The following SLC2A5 variants were observed in gnomAD, a reference collection of about 807,000 sequenced individuals.
The protein encoded by SLC2A5 is solute carrier family 2, facilitated glucose transporter member 5.
A neutral mutation model predicts 50.3 loss-of-function variants in SLC2A5; 56 were observed. That is an observed-to-expected ratio of 1.11 (90% CI 0.90 to 1.39). The LOEUF (loss-of-function observed/expected upper bound fraction) is 1.39. Ranked by LOEUF, SLC2A5 falls within the 40% of genes most tolerant of loss-of-function variation. The probability of loss-of-function intolerance (pLI) is 0.00; values close to 1 mark genes in which losing one functional copy is unlikely to be tolerated. For synonymous variants in SLC2A5, 269 were observed against 281.9 expected (o/e 0.95, Z 0.46); for missense variants, 566 against 650.1 (o/e 0.87, Z 1.41).
At chr1:9,060,449 C>A (rs1290471843) in intron 1 of SLC2A5, among the ~76,000 whole-genome samples, 2 of 148,242 alleles carry the variant, frequency 1.3e-5, no homozygotes, top group Admixed American at 1.3e-4. Context: ...CACACACACA[C>A]CTCCCACACA....
upstream of SLC2A5, among the ~76,000 whole-genome samples, chr1:9,074,129 T>G (rs1298505968): frequency 1.3e-5 from 2 of 150,972 alleles, no homozygotes; most frequent in African/African-American, 4.8e-5. Context: ...AAATTGTGTT[T>G]GTGTTCTTAG....
chr1:9,062,666 G>A (rs1641976344), intron 1 of SLC2A5, among the ~76,000 whole-genome samples: 1 of 152,192 alleles, frequency 6.6e-6, no homozygotes, highest in Non-Finnish European at 1.5e-5. Flanking sequence ...GAGACCAGGA[G>A]TTTGAGACCA....
Position 9,038,482 on chromosome 1 carries a change from T to G in SLC2A5, c.1123A>C (p.Ile375Leu), listed in dbSNP as rs543336299. 1.6e-4 allele frequency: 255 copies of G among 1,613,250 alleles called. 9 individuals are homozygous for G. In the South Asian group the frequency reaches 2.7e-3, roughly 17 times the overall value. Residue 375 changes from isoleucine (I) to leucine (L), a missense_variant, in exon 10 of 12, where the codon ATC (isoleucine) becomes CTC (leucine). Ile to Leu is a conservative substitution (Grantham distance 5). Transcript: ENST00000377424. ...TAGGAGATGACACAGACGATGCTGA[T>G]GTATGGCATCCAGGACACTGTGTCC... ...LQDTVSWMPYISIVCVISYVI... is the reference protein window; with the variant it reads ...LQDTVSWMPYLSIVCVISYVI...
At chr1:9,052,857 T>A (rs1168230761) in intron 3 of SLC2A5, among the ~76,000 whole-genome samples, 1 of 151,174 alleles carries the variant, frequency 6.6e-6, no homozygotes, top group Non-Finnish European at 1.5e-5. Flanking sequence ...ATCCCTGTAG[T>A]CTCAGCTACT....
Position 9,069,634 on chromosome 1 carries a change from A to G in SLC2A5, c.-98T>C. 7.3e-7 allele frequency: 1 copy of G among 1,361,434 alleles called. No homozygotes were observed. The highest frequency in any genetic ancestry group is 1.0e-6 in the Non-Finnish European group (1 of 957,738). The allele number at this position is 1,361,434 out of a possible 1,614,324, so 84.3% of individuals were successfully genotyped here. On this transcript the variant is annotated 5_prime_UTR_variant, in exon 1 of 12. It removes an upstream start codon present in the reference 5' UTR. Coordinates refer to ENST00000377424, the MANE Select transcript of SLC2A5 (RefSeq NM_003039.3). The stretch of plus-strand genomic sequence containing the variant: ...AAGACATTCTGGGTGCACTTTGGCC[A>G]TGCCAAATAACAGCCAATAGCATTT...
chr1:9,050,676 A>G (rs1209803549), intron 3 of SLC2A5, among the ~76,000 whole-genome samples: 1 of 152,180 alleles, frequency 6.6e-6, no homozygotes, highest in Admixed American at 6.6e-5. Context: ...CTTTTCAGAT[A>G]TAACACCAAA....
chr1:9,090,595 A>C (rs116559176), upstream of SLC2A5, among the ~76,000 whole-genome samples: 3,267 of 152,104 alleles, frequency 0.021, 109 homozygotes, highest in African/African-American at 0.073. Flanking sequence ...AACCCCTATA[A>C]CCTCCTGTCA....
intron 2 of SLC2A5, among the ~76,000 whole-genome samples, chr1:9,079,412 G>A (rs1359115847): frequency 1.3e-5 from 2 of 152,214 alleles, no homozygotes; most frequent in African/African-American, 4.8e-5. Flanking sequence ...GAGCAGCAGA[G>A]GCTCTTCAGG....
At chr1:9,051,621 A>G (rs1301533869) in intron 3 of SLC2A5, among the ~76,000 whole-genome samples, 17 of 152,228 alleles carry the variant, frequency 1.1e-4, no homozygotes. Context: ...ACAAAAACCC[A>G]GAACTCTGAC....
chr1:9,038,008 C>T lies in SLC2A5; in HGVS notation c.1191G>A (p.Leu397=), dbSNP rs776073018. Residue 397 remains leucine (L), a synonymous_variant, in exon 11 of 12, where the codon CTG becomes CTA. Transcript: ENST00000377424. Reference sequence around the variant, plus strand: ...ACTGCAGGAAGATCTCAGTGATGAGCAGCGCGGGTATGGGACCTGTAGGGG... The same window carrying T: ...ACTGCAGGAAGATCTCAGTGATGAGTAGCGCGGGTATGGGACCTGTAGGGG... ...HALGPSPIPA[L]LITEIFLQSS... The T allele has an allele frequency of 6.2e-7, 1 of 1,613,864 alleles. No individual in the cohort carries two copies. The highest frequency in any genetic ancestry group is 8.5e-7 in the Non-Finnish European group (1 of 1,180,016).
At position 9,039,587 on chromosome 1, in the gene SLC2A5, TGCCGG is replaced by T; in HGVS notation, c.956_960del (p.Ala319AspfsTer81). 1.9e-6 allele frequency: 3 copies of T among 1,575,882 alleles called. No homozygotes were observed. In the South Asian group the frequency reaches 3.5e-5, roughly 18 times the overall value. On this transcript the variant is annotated frameshift_variant, in exon 8 of 12. Coordinates refer to ENST00000377424, the MANE Select transcript of SLC2A5 (RefSeq NM_003039.3). LOFTEE classifies it high-confidence loss of function. ...GTCATGACCACGTTCACGGCCCCGG[TGCCGG>T]CCGTCACGTACTGCACGTGCTCCTC...
At chr1:9,061,930 G>A (rs866493955) in intron 1 of SLC2A5, among the ~76,000 whole-genome samples, 1 of 152,198 alleles carries the variant, frequency 6.6e-6, no homozygotes, top group Non-Finnish European at 1.5e-5. Flanking sequence ...AGATCAGAGC[G>A]ACTAAATGAT....
chr1:9,038,329 C>T, intron 10 of SLC2A5, 102 bp downstream of exon 10: 1 of 865,752 alleles, frequency 1.2e-6, no homozygotes, highest in African/African-American at 1.6e-5. Context: ...ATGCCATTTC[C>T]AGGCTGCATT....
At chr1:9,066,533 C>T (rs1415473897) in intron 1 of SLC2A5, among the ~76,000 whole-genome samples, 2 of 152,168 alleles carry the variant, frequency 1.3e-5, no homozygotes, top group Non-Finnish European at 2.9e-5. Context: ...CTGCACCTGG[C>T]CCTCAATTCT....
At chr1:9,093,079 C>T (rs1014612685), upstream of SLC2A5, among the ~76,000 whole-genome samples, 3 of 152,148 alleles carry the variant, frequency 2.0e-5, no homozygotes, top group Non-Finnish European at 4.4e-5. Context: ...CCCTCTTCTG[C>T]ATACCATCCG....
At position 9,059,876 on chromosome 1, in the gene SLC2A5, G is replaced by A. The variant is rs565021443; in HGVS notation, c.34-1626C>T. Among the ~76,000 whole-genome samples the A allele has an allele frequency of 1.5e-4, 23 of 151,840 alleles. No homozygotes were observed. In the South Asian group the frequency reaches 4.8e-3, roughly 32 times the overall value. On this transcript the variant is annotated intron_variant, in intron 1 of 11. Transcript: ENST00000377424. ...GAGAGGTAAGTGAGGAGCCAGAAAG[G>A]GAGAGAAACAATGATCATTCCTGCC...
At chr1:9,057,883 G>GC (rs1557673852) in intron 2 of SLC2A5, among the ~76,000 whole-genome samples, 1 of 151,976 alleles carries the variant, frequency 6.6e-6, no homozygotes, top group African/African-American at 2.4e-5. Flanking sequence ...GAGACCCCTG[G>GC]CCCCCCCGGA....
rs913817137 is a variant in SLC2A5 at position 9,063,896 on chromosome 1, C to T, written c.33+5608G>A. On this transcript the variant is annotated intron_variant, in intron 1 of 11. Coordinates refer to ENST00000377424, the MANE Select transcript of SLC2A5 (RefSeq NM_003039.3). ...ATTTTTAGTAGAGACGGGGTTTCAC[C>T]GTGTTAGCCAGGATGGTCTCGATCT... is the stretch of plus-strand genomic sequence containing the variant. 1.6e-4 allele frequency among the ~76,000 whole-genome samples: 22 copies of T among 138,868 alleles called. 1 individual carries two copies. Among genetic ancestry groups the T allele is most frequent in the Admixed American group, 2.8e-4 (4 of 14,162 alleles). The allele number at this position is 138,868 out of a possible 152,430, so 91.1% of individuals were successfully genotyped here. A position where few individuals can be genotyped will look rare whatever the true frequency, so the allele number is the denominator to read the frequency against.
intron 2 of SLC2A5, among the ~76,000 whole-genome samples, chr1:9,076,345 G>A (rs72632938): frequency 0.099 from 15,009 of 152,156 alleles, 982 homozygotes; most frequent in East Asian, 0.3. Flanking sequence ...TCCCCCAGGC[G>A]ATGGAGATCT....
Sources: allele counts gnomAD v4.1 joint callset (sites outside exome capture counted in the v4.1 genomes callset), GRCh38; gene constraint gnomAD v4.1.1; transcripts MANE v1.5; gene names NCBI Gene and HGNC (gene_info 2026-07-23, HGNC 2026-07-21).